The following C9orf85 variants were observed in gnomAD, a reference collection of about 807,000 sequenced individuals.
C9orf85 encodes uncharacterized protein C9orf85.
A neutral mutation model predicts 14.9 loss-of-function variants in C9orf85; 16 were observed. That is an observed-to-expected ratio of 1.08 (90% CI 0.73 to 1.63). The LOEUF is 1.63. Among genes scored for constraint, C9orf85 ranks in the 40% most tolerant of loss-of-function variants. The probability of loss-of-function intolerance (pLI) is 0.00; values close to 1 mark genes in which losing one functional copy is unlikely to be tolerated. For missense variants in C9orf85, 172 were observed against 186.1 expected (o/e 0.92, Z 0.44); for synonymous variants, 45 against 56.8 (o/e 0.79, Z 0.93).
At chr9:71,918,415 T>G in intron 1 of C9orf85, 1 of 1,301,686 alleles carries the variant, frequency 7.7e-7, no homozygotes, top group Non-Finnish European at 1.0e-6. Context: ...CATCTTTACC[T>G]TTTTGTAAGT....
intron 2 of C9orf85, among the ~76,000 whole-genome samples, chr9:71,962,532 A>G (rs1589267816): frequency 6.6e-6 from 1 of 152,246 alleles, no homozygotes; most frequent in Non-Finnish European, 1.5e-5. Context: ...TCGTCATCAC[A>G]TACATGAAAG....
downstream of C9orf85, among the ~76,000 whole-genome samples, chr9:71,978,057 G>T (rs934373736): frequency 6.6e-6 from 1 of 152,060 alleles, no homozygotes; most frequent in Non-Finnish European, 1.5e-5. Context: ...TGAAGTATAT[G>T]GATTAAATTT....
At chr9:71,953,915 A>G (rs1313027707) in intron 2 of C9orf85, among the ~76,000 whole-genome samples, 2 of 152,108 alleles carry the variant, frequency 1.3e-5, no homozygotes, top group African/African-American at 4.8e-5. Flanking sequence ...CCTGGGCAAC[A>G]TAGCAAGACC....
intron 1 of C9orf85, among the ~76,000 whole-genome samples, chr9:71,918,218 T>C (rs765900728): frequency 6.6e-6 from 1 of 152,154 alleles, no homozygotes; most frequent in African/African-American, 2.4e-5. Flanking sequence ...ACCACCTAGA[T>C]GTTTTAAAGT....
At chr9:71,946,885 T>C (rs1428745712) in intron 1 of C9orf85, 121 bp from the exon 2 acceptor site, 12 of 567,660 alleles carry the variant, frequency 2.1e-5, no homozygotes, top group Admixed American at 9.5e-5. Flanking sequence ...ATATCATAAA[T>C]TGTTATGCAG....
At chr9:71,925,209 T>A (rs1827901865) in intron 1 of C9orf85, among the ~76,000 whole-genome samples, 1 of 152,232 alleles carries the variant, frequency 6.6e-6, no homozygotes, top group Non-Finnish European at 1.5e-5. Context: ...AATGGCTGAC[T>A]GAACATGTAC....
In C9orf85 at chr9:71,944,182, T is replaced by C. The variant is rs372067823; in HGVS notation, c.103-2824T>C. On this transcript the variant is annotated intron_variant, in intron 1 of 3. Transcript: ENST00000334731. Reference sequence around the variant, plus strand: ...CCAGGAGGCAGAGGTTGCAGTGAGCTAAGATTGCCCCACTGCACACCAGTC... The same window carrying C: ...CCAGGAGGCAGAGGTTGCAGTGAGCCAAGATTGCCCCACTGCACACCAGTC... Among the ~76,000 whole-genome samples, 9 of 150,800 alleles carry C rather than the reference T, an allele frequency of 6.0e-5. No individual in the cohort carries two copies. In the East Asian group the frequency reaches 1.6e-3, roughly 27 times the overall value.
chr9:71,973,119 T>A lies in C9orf85; in HGVS notation c.*277T>A, dbSNP rs1183217704. On this transcript the variant is annotated 3_prime_UTR_variant, in exon 4 of 4. Coordinates refer to ENST00000334731, the MANE Select transcript of C9orf85 (RefSeq NM_182505.5). ...GAGTTCGTGCCATTACACTCCAGCC[T>A]GGGTGACAGAGTGAGACTCTGTCTC... 1 of 172,460 alleles carries A rather than the reference T, an allele frequency of 5.8e-6. No individual in the cohort carries two copies. Among genetic ancestry groups the A allele is most frequent in the Non-Finnish European group, 1.2e-5 (1 of 81,066 alleles). The allele number at this position is 172,460 out of a possible 1,614,324, so 10.7% of individuals were successfully genotyped here. A position where few individuals can be genotyped will look rare whatever the true frequency, so the allele number is the denominator to read the frequency against.
chr9:71,938,371 A>G (rs1387366331), intron 1 of C9orf85, among the ~76,000 whole-genome samples: 1 of 152,112 alleles, frequency 6.6e-6, no homozygotes, highest in Non-Finnish European at 1.5e-5. Context: ...TCACTATCCA[A>G]ATAATTATGT....
intron 2 of C9orf85, 56 bp from the exon 3 acceptor site, chr9:71,971,449 T>G: frequency 9.4e-7 from 1 of 1,063,332 alleles, no homozygotes; most frequent in Non-Finnish European, 1.4e-6. Context: ...CATCTTATTT[T>G]ATCAAATAAG....
chr9:71,944,189 G>A (rs1822022965), intron 1 of C9orf85, among the ~76,000 whole-genome samples: 1 of 150,936 alleles, frequency 6.6e-6, no homozygotes, highest in African/African-American at 2.4e-5. Flanking sequence ...AGCTAAGATT[G>A]CCCCACTGCA....
chr9:71,914,577 T>G (rs1004228217), intron 1 of C9orf85, among the ~76,000 whole-genome samples: 5 of 152,218 alleles, frequency 3.3e-5, no homozygotes, highest in Non-Finnish European at 7.3e-5. Context: ...GTTGGATAAT[T>G]ACAGATGTTT....
chr9:71,976,385 G>A (rs1458903309), downstream of C9orf85, among the ~76,000 whole-genome samples: 3 of 152,090 alleles, frequency 2.0e-5, no homozygotes, highest in African/African-American at 7.2e-5. Context: ...ATTATTGGCC[G>A]GGCACGGTGG....
chr9:71,944,245 A>AG (rs5898241), intron 1 of C9orf85, among the ~76,000 whole-genome samples: 140,152 of 150,528 alleles, frequency 0.93, 65,865 homozygotes, highest in East Asian at 1. Context: ...AAAAAAAAAA[A>AG]AAGTTGTAGG....
intron 1 of C9orf85, among the ~76,000 whole-genome samples, chr9:71,925,815 TA>T (rs1396877035): frequency 6.6e-6 from 1 of 152,226 alleles, no homozygotes; most frequent in Admixed American, 6.5e-5. Context: ...ACTTTTATTT[TA>T]AAAATTAAGA....
chr9:71,985,487 C>T (rs1823194309), downstream of C9orf85: 1 of 152,230 alleles, frequency 6.6e-6, no homozygotes, highest in Non-Finnish European at 1.5e-5. Context: ...TGCCCTAGAC[C>T]TACTGAAACA....
At chr9:71,935,403 T>C (rs1828165676) in intron 1 of C9orf85, among the ~76,000 whole-genome samples, 1 of 152,118 alleles carries the variant, frequency 6.6e-6, no homozygotes, top group South Asian at 2.1e-4. Flanking sequence ...ATATGTTATA[T>C]ACATACAGTG....
In C9orf85 at chr9:71,924,904, G is replaced by A. The variant is rs750139517; in HGVS notation, c.102+13068G>A. Among the ~76,000 whole-genome samples the A allele has an allele frequency of 1.8e-4, 27 of 152,194 alleles. 1 individual carries two copies. Among genetic ancestry groups the A allele is most frequent in the Non-Finnish European group, 1.6e-4 (11 of 68,036 alleles). On this transcript the variant is annotated intron_variant, in intron 1 of 3. Transcript: ENST00000334731. ...TTTTCAGTAAAACTAGAATAGTCAT[G>A]TGTGGTAAGTTGTCATCTATTATTG...
At chr9:71,959,946 G>C (rs948463096) in intron 2 of C9orf85, among the ~76,000 whole-genome samples, 4 of 152,204 alleles carry the variant, frequency 2.6e-5, no homozygotes, top group Non-Finnish European at 5.9e-5. Flanking sequence ...CAATGTACAA[G>C]ACACTGTGTT....
Sources: gnomAD v4.1 joint callset for allele counts (sites outside exome capture counted in the v4.1 genomes callset) on GRCh38, gnomAD v4.1.1 for gene constraint, MANE v1.5 for transcripts, NCBI Gene and HGNC (gene_info 2026-07-23, HGNC 2026-07-21) for gene names.